The following IQSEC1 variants were observed in gnomAD, a reference collection of about 807,000 sequenced individuals.
IQSEC1 encodes IQ motif and Sec7 domain ArfGEF 1, also known as IQ motif and SEC7 domain-containing protein 1.
Under a neutral mutation model 91.0 loss-of-function variants are expected in IQSEC1, and 31 were observed. That is an observed-to-expected ratio of 0.34 (90% confidence interval 0.26 to 0.46). The LOEUF (loss-of-function observed/expected upper bound fraction) is 0.46, where lower values mean the gene tolerates loss of function less well. Ranked by LOEUF, IQSEC1 falls within the 20% of genes least tolerant of loss-of-function variation. The pLI is 1.00. For synonymous variants in IQSEC1, 699 were observed against 662.6 expected, an observed-to-expected ratio of 1.05 and a Z score of -0.84; for missense variants, 1,388 against 1,575.6, an observed-to-expected ratio of 0.88 and a Z score of 2.02.
chr3:13,172,095 C>T (rs773247748), intron 1 of IQSEC1, among the ~76,000 whole-genome samples: 2 of 152,238 alleles, frequency 1.3e-5, no homozygotes, highest in Non-Finnish European at 2.9e-5. Flanking sequence ...AGAATGTACC[C>T]TGCAGAAGCC....
Position 13,281,828 on chromosome 3 carries a change from G to A in IQSEC1, c.272+883C>T, listed in dbSNP as rs538439224. Among the ~76,000 whole-genome samples, 50 of 152,330 alleles carry A rather than the reference G, an allele frequency of 3.3e-4. 1 individual carries two copies. In the South Asian group the frequency reaches 9.7e-3, roughly 30 times the overall value. On this transcript the variant is annotated intron_variant, in intron 1 of 15. Transcript: ENST00000648114. ...CCAGGCCAAGCCATAGTGGGCCCCG[G>A]GTGATCCCGAAGACAGAGAGGCAGA...
intron 1 of IQSEC1, among the ~76,000 whole-genome samples, chr3:13,178,298 G>A (rs1422791842): frequency 6.6e-6 from 1 of 152,216 alleles, no homozygotes; most frequent in Non-Finnish European, 1.5e-5. Flanking sequence ...ATCTTTTGGG[G>A]TCAAAGTCAA....
chr3:13,166,635 C>A (rs1312784721), intron 1 of IQSEC1, among the ~76,000 whole-genome samples: 1 of 152,236 alleles, frequency 6.6e-6, no homozygotes, highest in African/African-American at 2.4e-5. Context: ...ACATTCCCAG[C>A]ACAGAGGCTG....
chr3:13,216,964 C>T lies in IQSEC1; in HGVS notation c.273-52831G>A, dbSNP rs904242872. On this transcript the variant is annotated intron_variant, in intron 1 of 15. Coordinates refer to the IQSEC1 transcript ENST00000648114. Reference sequence around the variant, plus strand: ...TCACGACGCAGGCAAGGTGAACACACTGCAAAACTTAGCTGATGACAGGAG... The same window carrying T: ...TCACGACGCAGGCAAGGTGAACACATTGCAAAACTTAGCTGATGACAGGAG... Among the ~76,000 whole-genome samples, 6 of 152,296 alleles carry T rather than the reference C, an allele frequency of 3.9e-5. No individual in the cohort carries two copies. The South Asian group carries it at 6.2e-4, about 16-fold the overall frequency.
chr3:13,137,030 G>T (rs1237924883), intron 2 of IQSEC1, among the ~76,000 whole-genome samples: 1 of 152,168 alleles, frequency 6.6e-6, no homozygotes, highest in Admixed American at 6.5e-5. Flanking sequence ...CCTGTATTCG[G>T]GAGGCTGAGG....
chr3:12,924,916 AC>A lies in IQSEC1; in HGVS notation c.1569-175del, dbSNP rs1696978091. The stretch of plus-strand genomic sequence containing the variant: ...AGTTCCATCTCCAGCCTGGGTGGGA[AC>A]TCAAGAACCCAGGCTGGCACTGGAA... On this transcript the variant is annotated intron_variant, in intron 3 of 13. Coordinates refer to ENST00000613206, the MANE Select transcript of IQSEC1 (RefSeq NM_001134382.3). This position sits in a 1 kb window ranked among gnomAD's most constrained non-coding sequence, Gnocchi z 6.3. 6.6e-6 allele frequency among the ~76,000 whole-genome samples: 1 copy of A among 152,126 alleles called. No individual in the cohort carries two copies. Among genetic ancestry groups the A allele is most frequent in the Non-Finnish European group, 1.5e-5 (1 of 67,998 alleles).
At chr3:12,966,173 T>C (rs1417326384) in intron 1 of IQSEC1, among the ~76,000 whole-genome samples, 1 of 152,178 alleles carries the variant, frequency 6.6e-6, no homozygotes, top group Non-Finnish European at 1.5e-5. Context: ...CAGATGGTCT[T>C]GCAGCTGCAG....
chr3:13,175,349 G>C (rs372840317), intron 1 of IQSEC1, among the ~76,000 whole-genome samples: 10 of 152,238 alleles, frequency 6.6e-5, no homozygotes, highest in East Asian at 3.8e-4. Flanking sequence ...AATTAGCTAT[G>C]ATGAGTGACA....
At chr3:13,146,610 C>A (rs1477057423) in intron 2 of IQSEC1, among the ~76,000 whole-genome samples, 1 of 152,192 alleles carries the variant, frequency 6.6e-6, no homozygotes, top group Non-Finnish European at 1.5e-5. Flanking sequence ...GAGGCCAAGG[C>A]AGGCGGATCA....
intron 6 of IQSEC1, 77 bp downstream of exon 6, chr3:12,920,353 C>T (rs1696506503): frequency 6.6e-7 from 1 of 1,506,848 alleles, no homozygotes; most frequent in East Asian, 2.3e-5. Flanking sequence ...CCTCACGCCC[C>T]TTACATCTGG....
chr3:13,202,223 A>G (rs1694257424), intron 1 of IQSEC1, among the ~76,000 whole-genome samples: 1 of 152,246 alleles, frequency 6.6e-6, no homozygotes, highest in African/African-American at 2.4e-5. Context: ...AAATGGTGCC[A>G]CTGTTATAAA....
chr3:12,996,174 T>G (rs1702221702), intron 1 of IQSEC1, among the ~76,000 whole-genome samples: 1 of 152,212 alleles, frequency 6.6e-6, no homozygotes, highest in Admixed American at 6.5e-5. Flanking sequence ...AAAACACTTT[T>G]TTTTTTTAAA....
chr3:13,258,939 C>A (rs908747249), intron 1 of IQSEC1, among the ~76,000 whole-genome samples: 2 of 152,206 alleles, frequency 1.3e-5, no homozygotes, highest in Non-Finnish European at 2.9e-5. Flanking sequence ...CAACGGCCCC[C>A]AAGTCTGGGC....
chr3:13,033,650 C>T (rs557502000), intron 1 of IQSEC1, among the ~76,000 whole-genome samples: 6 of 152,144 alleles, frequency 3.9e-5, no homozygotes, highest in Non-Finnish European at 8.8e-5. Context: ...GTCTAAATGC[C>T]AGCAGGCTTG....
chr3:13,036,408 T>C (rs1222619534), intron 1 of IQSEC1, among the ~76,000 whole-genome samples: 3 of 152,184 alleles, frequency 2.0e-5, no homozygotes, highest in African/African-American at 7.2e-5. Flanking sequence ...GCAAAGCCAC[T>C]TAGCACATAT....
At chr3:13,111,729 A>G (rs1706249566) in intron 2 of IQSEC1, among the ~76,000 whole-genome samples, 1 of 152,052 alleles carries the variant, frequency 6.6e-6, no homozygotes, top group South Asian at 2.1e-4. Flanking sequence ...GAGGCATCAA[A>G]CTTCCCTCTC....
At chr3:12,932,467 C>T (rs553952306) in intron 3 of IQSEC1, among the ~76,000 whole-genome samples, 37 of 152,324 alleles carry the variant, frequency 2.4e-4, no homozygotes, top group African/African-American at 8.4e-4. Flanking sequence ...CACAGGGTAA[C>T]GTGCGTTAGC....
intron 1 of IQSEC1, among the ~76,000 whole-genome samples, chr3:13,043,299 C>T (rs1293020065): frequency 1.3e-5 from 2 of 152,198 alleles, no homozygotes; most frequent in Non-Finnish European, 1.5e-5. Flanking sequence ...CCCACCCTCA[C>T]CTCTCCCCTT....
chr3:13,130,400 A>G (rs932753834), intron 2 of IQSEC1, among the ~76,000 whole-genome samples: 7 of 151,794 alleles, frequency 4.6e-5, no homozygotes, highest in African/African-American at 1.7e-4. Flanking sequence ...TTTTCCAAAT[A>G]TTTCTCTTTT....
Sources: allele counts gnomAD v4.1 joint callset (sites outside exome capture counted in the v4.1 genomes callset), GRCh38; gene constraint gnomAD v4.1.1; non-coding constraint Gnocchi (gnomAD v3.1); transcripts MANE v1.5; gene names NCBI Gene and HGNC (gene_info 2026-07-23, HGNC 2026-07-21).